TSPAN16: variants seen among roughly 807,000 people sequenced by gnomAD.
TSPAN16 encodes the protein tetraspanin-16.
TSPAN16 carries 23 observed loss-of-function variants against 25.2 expected under a neutral mutation model. The ratio of observed to expected loss-of-function variants is 0.91; its 90% CI spans 0.66 to 1.29. The LOEUF is 1.29. Among genes scored for constraint, TSPAN16 ranks in the 50% most tolerant of loss-of-function variants. The probability of loss-of-function intolerance (pLI) is 0.00; values close to 1 mark genes in which losing one functional copy is unlikely to be tolerated. For synonymous variants in TSPAN16, 123 were observed against 124.4 expected (o/e 0.99, Z 0.08); for missense variants, 272 against 299.9 (o/e 0.91, Z 0.69).
At chr19:11,312,007 A>G in intron 5 of TSPAN16, 132 bp from the exon 6 acceptor site, 1 of 650,120 alleles carries the variant, frequency 1.5e-6, no homozygotes, top group East Asian at 2.8e-5. Context: ...GAAGGCCCTC[A>G]CGGCTCTCTC....
intron 5 of TSPAN16, among the ~76,000 whole-genome samples, chr19:11,311,535 A>T (rs895906755): frequency 6.6e-6 from 1 of 152,054 alleles, no homozygotes; most frequent in Non-Finnish European, 1.5e-5. Flanking sequence ...AGCTCAAGCA[A>T]TCCTCCTGCC....
At chr19:11,297,394 G>A (rs1451209228) in intron 1 of TSPAN16, among the ~76,000 whole-genome samples, 1 of 152,064 alleles carries the variant, frequency 6.6e-6, no homozygotes, top group African/African-American at 2.4e-5. Context: ...ATAGAACTGC[G>A]TAGTTTCAAC....
intron 1 of TSPAN16, 44 bp downstream of exon 1, chr19:11,296,410 C>G: frequency 6.3e-7 from 1 of 1,584,138 alleles, no homozygotes; most frequent in South Asian, 1.1e-5. Flanking sequence ...TGCAGCCCTT[C>G]CTCCACAGTC....
At chr19:11,299,662 C>A (rs1277665589) in intron 3 of TSPAN16, among the ~76,000 whole-genome samples, 1 of 152,212 alleles carries the variant, frequency 6.6e-6, no homozygotes, top group African/African-American at 2.4e-5. Context: ...GAATCACATT[C>A]ATGCCAGGGC....
intron 1 of TSPAN16, among the ~76,000 whole-genome samples, chr19:11,297,134 G>T (rs960785736): frequency 2.0e-5 from 3 of 152,076 alleles, no homozygotes; most frequent in Admixed American, 1.3e-4. Flanking sequence ...AGAAGGAAAT[G>T]AAATATCACT....
At chr19:11,315,984 T>C (rs1055179069), downstream of TSPAN16, 1 of 1,225,654 alleles carries the variant, frequency 8.2e-7, no homozygotes, top group Non-Finnish European at 1.0e-6. Context: ...GCCTGACTTC[T>C]TTCTCCTTAC....
chr19:11,301,168 G>A, intron 3 of TSPAN16, 33 bp from the exon 4 acceptor site: 1 of 1,576,886 alleles, frequency 6.3e-7, no homozygotes, highest in Non-Finnish European at 8.7e-7. Context: ...CTTGCTAGTT[G>A]GGGTACTGAT....
chr19:11,320,641 C>G (rs796160132), downstream of TSPAN16, among the ~76,000 whole-genome samples: 2 of 150,060 alleles, frequency 1.3e-5, no homozygotes, highest in African/African-American at 4.9e-5. Context: ...CCACTGCACT[C>G]CAGCCAGGGC....
chr19:11,302,661 A>ATATATATATTT (rs2080570639), intron 4 of TSPAN16, among the ~76,000 whole-genome samples: 4 of 101,884 alleles, frequency 3.9e-5, no homozygotes, highest in African/African-American at 1.4e-4. Flanking sequence ...ATACACATAC[A>ATATATATATTT]TATATATATA....
At chr19:11,306,958 G>A in intron 5 of TSPAN16, 1 of 513,904 alleles carries the variant, frequency 1.9e-6, no homozygotes, top group Non-Finnish European at 3.5e-6. Context: ...TGGGATCACA[G>A]GCATGCACCG....
chr19:11,297,878 A>G (rs1194841764), intron 1 of TSPAN16, among the ~76,000 whole-genome samples: 1 of 151,944 alleles, frequency 6.6e-6, no homozygotes, highest in African/African-American at 2.4e-5. Flanking sequence ...TGCAGTCTCA[A>G]CCTCATGAGC....
At chr19:11,325,294 G>T in intron 6 of TSPAN16, 1 of 725,722 alleles carries the variant, frequency 1.4e-6, no homozygotes, top group South Asian at 1.8e-5. Context: ...GTTGACAGGA[G>T]GGAAGGGATT....
chr19:11,314,863 T>A lies in TSPAN16; in HGVS notation c.688-928T>A, dbSNP rs74586136. Among the ~76,000 whole-genome samples the A allele has an allele frequency of 1.4e-3, 210 of 152,252 alleles. 1 individual carries two copies. Among genetic ancestry groups the A allele is most frequent in the African/African-American group, 4.9e-3 (202 of 41,554 alleles). On this transcript the variant is annotated intron_variant, in intron 6 of 6. Transcript: ENST00000590327. ...TCACCCGTCTTCTCCCGGTGCTTCCTATTGGCCAAGCCTAACCGGAAGTTA... is the reference window on the plus strand; with the variant it reads ...TCACCCGTCTTCTCCCGGTGCTTCCAATTGGCCAAGCCTAACCGGAAGTTA...
chr19:11,298,357 ACAGACCC>A lies in TSPAN16; in HGVS notation c.267+23_267+29del. 5 of 1,611,646 alleles carry A rather than the reference ACAGACCC, an allele frequency of 3.1e-6. No individual in the cohort carries two copies. The highest frequency in any genetic ancestry group is 4.2e-6 in the Non-Finnish European group (5 of 1,178,824). ...TCTTGTTTGTAAGTTGGATCTGCAC[ACAGACCC>A]CAGAACTGCCTCCCCACACACACAA... On this transcript the variant is annotated intron_variant, in intron 2 of 6. Transcript: ENST00000590327.
chr19:11,323,356 G>A (rs1216859441), intron 6 of TSPAN16: 1 of 152,184 alleles, frequency 6.6e-6, no homozygotes, highest in East Asian at 1.9e-4. Flanking sequence ...CACTTTGGGA[G>A]GCCGAAGCAA....
At chr19:11,298,098 A>T (rs760295464) in intron 1 of TSPAN16, 44 bp from the exon 2 acceptor site, 1 of 1,598,050 alleles carries the variant, frequency 6.3e-7, no homozygotes, top group South Asian at 1.1e-5. Flanking sequence ...ATTTGTATAC[A>T]ACTAACAGAT....
downstream of TSPAN16, among the ~76,000 whole-genome samples, chr19:11,320,635 T>C (rs2080772622): frequency 6.9e-6 from 1 of 145,844 alleles, no homozygotes; most frequent in African/African-American, 2.6e-5. Flanking sequence ...ATTGTGCCAC[T>C]GCACTCCAGC....
In TSPAN16 at chr19:11,298,149, G is replaced by A. The variant is rs866174366; in HGVS notation, c.77G>A (p.Gly26Asp). The change falls in exon 2 of 7, where the codon GGC (glycine) becomes GAC (aspartate). Residue 26 changes from glycine (G) to aspartate (D), a missense_variant. Transcript: ENST00000590327. Reference sequence around the variant, plus strand: ...CTGGTTTCTGTTCTAAAGGTGTCTGGCATCATCCTAGTTGGCCTGGGCATT... The same window carrying A: ...CTGGTTTCTGTTCTAAAGGTGTCTGACATCATCCTAGTTGGCCTGGGCATT... ...SLLNGFVAVS[G>D]IILVGLGIGG... 2 of 1,614,066 alleles carry A rather than the reference G, an allele frequency of 1.2e-6. No individual in the cohort carries two copies. The highest frequency in any genetic ancestry group is 8.5e-7 in the Non-Finnish European group (1 of 1,179,992).
chr19:11,303,032 C>G (rs896768230), intron 4 of TSPAN16, among the ~76,000 whole-genome samples: 7 of 150,648 alleles, frequency 4.6e-5, no homozygotes, highest in Non-Finnish European at 8.8e-5. Context: ...CCCTCTGCCC[C>G]GCCACCACCC....
Sources: gnomAD v4.1 joint callset for allele counts (sites outside exome capture counted in the v4.1 genomes callset) on GRCh38, gnomAD v4.1.1 for gene constraint, MANE v1.5 for transcripts, NCBI Gene and HGNC (gene_info 2026-07-23, HGNC 2026-07-21) for gene names.